The following GPHN variants were observed in gnomAD, a reference collection of about 807,000 sequenced individuals.
GPHN encodes the protein gephyrin.
GPHN carries 17 observed loss-of-function variants against 95.5 expected under a neutral mutation model. The ratio of observed to expected loss-of-function variants is 0.18; its 90% CI spans 0.12 to 0.27. GPHN has a LOEUF of 0.27. GPHN is among the 10% of genes least tolerant of loss of function. The pLI, the probability that GPHN is intolerant of heterozygous loss-of-function variation, is 1.00. For missense variants in GPHN, 660 were observed against 978.1 expected, an observed-to-expected ratio of 0.67 and a Z score of 4.34; for synonymous variants, 320 against 322.5, an observed-to-expected ratio of 0.99 and a Z score of 0.08.
the GPHN span, chr14:67,365,063 A>G: frequency 2.1e-4 from 317 of 1,503,050 alleles, no homozygotes; most frequent in Non-Finnish European, 2.6e-4. Context: ...GGTTTATTTA[A>G]AAATACATTT....
the GPHN span, chr14:67,590,188 G>A: frequency 6.5e-7 from 1 of 1,546,050 alleles, no homozygotes. Context: ...TTCCAAAGGG[G>A]AGAAATGCGG....
In GPHN at chr14:67,108,856, T is replaced by C. The variant is rs1166824483; in HGVS notation, c.1294-1284T>C. On this transcript the variant is annotated intron_variant, in intron 13 of 22. Transcript: ENST00000478722. Reference sequence around the variant, plus strand: ...ACCATCTTGACAGTTTTTAAGCTTATAGTTCAGTAGTGGTAAATATATTCA... The same window carrying C: ...ACCATCTTGACAGTTTTTAAGCTTACAGTTCAGTAGTGGTAAATATATTCA... Among the ~76,000 whole-genome samples the C allele has an allele frequency of 1.3e-5, 2 of 152,148 alleles. 1 individual carries two copies. Among genetic ancestry groups the C allele is most frequent in the Non-Finnish European group, 2.9e-5 (2 of 68,016 alleles).
the GPHN span, among the ~76,000 whole-genome samples, chr14:67,458,854 A>T: frequency 6.6e-6 from 1 of 152,088 alleles, no homozygotes; most frequent in East Asian, 1.9e-4. Context: ...TGTAGCTGGG[A>T]CTACCAAAGT....
At chr14:66,525,588 A>G (rs938959336) in intron 1 of GPHN, among the ~76,000 whole-genome samples, 5 of 152,066 alleles carry the variant, frequency 3.3e-5, no homozygotes, top group African/African-American at 1.2e-4. Flanking sequence ...CCTGAATGGT[A>G]TTGCCTAGGT....
intron 4 of GPHN, among the ~76,000 whole-genome samples, chr14:66,843,015 A>G (rs2062159305): frequency 6.6e-6 from 1 of 151,882 alleles, no homozygotes; most frequent in Non-Finnish European, 1.5e-5. Context: ...TCTCAATCTC[A>G]TCTTTTCCTG....
chr14:67,430,312 G>C, the GPHN span, among the ~76,000 whole-genome samples: 1 of 152,164 alleles, frequency 6.6e-6, no homozygotes, highest in African/African-American at 2.4e-5. Flanking sequence ...AATAACATAC[G>C]GGCCTAGGGA....
chr14:66,992,070 G>C (rs2071468709), intron 9 of GPHN, among the ~76,000 whole-genome samples: 1 of 151,702 alleles, frequency 6.6e-6, no homozygotes, highest in South Asian at 2.1e-4. Flanking sequence ...ATAGTTAAAA[G>C]AAAAGAAAGG....
the GPHN span, among the ~76,000 whole-genome samples, chr14:67,516,439 C>A: frequency 5.1e-4 from 77 of 152,246 alleles, 2 homozygotes; most frequent in Non-Finnish European, 7.4e-5. Context: ...GAGGCTGAAG[C>A]CCTTACCCCT....
intron 11 of GPHN, among the ~76,000 whole-genome samples, chr14:67,070,651 G>A (rs989543938): frequency 3.6e-5 from 5 of 137,406 alleles, no homozygotes; most frequent in Admixed American, 7.6e-5. Context: ...AGCTGAGATC[G>A]TGCCATTGTA....
the GPHN span, among the ~76,000 whole-genome samples, chr14:67,513,200 C>T: frequency 1.3e-5 from 2 of 152,162 alleles, no homozygotes; most frequent in Non-Finnish European, 1.5e-5. Flanking sequence ...ACTGGAGGCT[C>T]GGAGGTCAGG....
the GPHN span, chr14:67,397,917 A>T: frequency 9.6e-7 from 1 of 1,040,880 alleles, no homozygotes; most frequent in South Asian, 1.7e-5. Flanking sequence ...AAGTAACCAG[A>T]CTGTGCTGTG....
At chr14:66,615,854 G>A (rs932149927) in intron 1 of GPHN, among the ~76,000 whole-genome samples, 3 of 151,702 alleles carry the variant, frequency 2.0e-5, no homozygotes, top group African/African-American at 7.3e-5. Flanking sequence ...ATGGTTTTGG[G>A]TTTTACATTT....
the GPHN span, among the ~76,000 whole-genome samples, chr14:67,719,766 C>T: frequency 1.3e-5 from 2 of 152,218 alleles, no homozygotes; most frequent in Non-Finnish European, 2.9e-5. Flanking sequence ...ATGTAAGCCA[C>T]AGTGCCCAAC....
chr14:66,727,154 A>T (rs1208160268), intron 2 of GPHN, among the ~76,000 whole-genome samples: 2 of 151,748 alleles, frequency 1.3e-5, no homozygotes, highest in African/African-American at 4.8e-5. Context: ...GCACAAGCTC[A>T]CTCTTGGCCT....
the GPHN span, among the ~76,000 whole-genome samples, chr14:67,669,606 G>A: frequency 2.6e-5 from 4 of 152,032 alleles, no homozygotes; most frequent in African/African-American, 9.7e-5. Flanking sequence ...GAAACATTTT[G>A]TAAGGCTATA....
chr14:67,128,387 G>A (rs1349602524), intron 17 of GPHN, among the ~76,000 whole-genome samples: 1 of 151,932 alleles, frequency 6.6e-6, no homozygotes, highest in Non-Finnish European at 1.5e-5. Flanking sequence ...CTCCCGAGTA[G>A]CTGAGACGAC....
the GPHN span, among the ~76,000 whole-genome samples, chr14:67,243,413 C>G: frequency 6.6e-6 from 1 of 151,522 alleles, no homozygotes; most frequent in Non-Finnish European, 1.5e-5. Context: ...GCCTCGAACT[C>G]CTGACCTCAG....
chr14:67,628,437 C>G, the GPHN span, among the ~76,000 whole-genome samples: 1 of 152,070 alleles, frequency 6.6e-6, no homozygotes, highest in African/African-American at 2.4e-5. Context: ...TTTGCTAATG[C>G]CTTAGTAAAA....
At chr14:67,691,174 A>C in the GPHN span, 1 of 1,614,102 alleles carries the variant, frequency 6.2e-7, no homozygotes, top group South Asian at 1.1e-5. Context: ...TCTCAAAGCC[A>C]TCTGCTGTCT....
Sources: gnomAD v4.1 joint callset for allele counts (sites outside exome capture counted in the v4.1 genomes callset) on GRCh38, gnomAD v4.1.1 for gene constraint, MANE v1.5 for transcripts, NCBI Gene and HGNC (gene_info 2026-07-23, HGNC 2026-07-21) for gene names.